The following GRIK3 variants were observed in gnomAD, a reference collection of about 807,000 sequenced individuals.
The protein encoded by GRIK3 is glutamate ionotropic receptor kainate type subunit 3, also known as glutamate receptor ionotropic, kainate 3.
GRIK3 carries 29 observed loss-of-function variants against 102.5 expected under a neutral mutation model. The observed-to-expected ratio is 0.28, with a 90% confidence interval of 0.21 to 0.39. The LOEUF (loss-of-function observed/expected upper bound fraction) is 0.39, where lower values mean the gene tolerates loss of function less well. GRIK3 is among the 10% of genes least tolerant of loss of function. The pLI is 1.00. For missense variants in GRIK3, 908 were observed against 1,252.4 expected (o/e 0.73, Z 4.15); for synonymous variants, 511 against 504.9 (o/e 1.01, Z -0.16).
At chr1:36,932,666 A>C (rs1035325332) in intron 1 of GRIK3, among the ~76,000 whole-genome samples, 2 of 152,200 alleles carry the variant, frequency 1.3e-5, no homozygotes, top group African/African-American at 4.8e-5. Context: ...ATTACTTTCC[A>C]AACTGCCACT....
chr1:36,976,366 A>AT (rs3834055), intron 1 of GRIK3, among the ~76,000 whole-genome samples: 23,502 of 151,768 alleles, frequency 0.15, 2,527 homozygotes, highest in African/African-American at 0.31. Context: ...ATGAATGTGC[A>AT]TTTTTTTTCG....
chr1:36,843,309 T>A (rs1002299294), intron 9 of GRIK3, among the ~76,000 whole-genome samples: 1 of 152,202 alleles, frequency 6.6e-6, no homozygotes, highest in African/African-American at 2.4e-5. Flanking sequence ...CCATGATGGA[T>A]GCGCTGAACT....
chr1:36,976,882 CT>C (rs1488021325), intron 1 of GRIK3, among the ~76,000 whole-genome samples: 29 of 152,294 alleles, frequency 1.9e-4, no homozygotes, highest in Admixed American at 1.8e-3. Context: ...ACACATCCCT[CT>C]GCCAAAAAGG....
intron 13 of GRIK3, among the ~76,000 whole-genome samples, chr1:36,812,743 C>G (rs1398801496): frequency 6.6e-6 from 1 of 152,078 alleles, no homozygotes; most frequent in Non-Finnish European, 1.5e-5. Flanking sequence ...CAGGTTCCCT[C>G]CCTTGTGAGT....
intron 13 of GRIK3, among the ~76,000 whole-genome samples, chr1:36,812,065 G>C (rs969757424): frequency 6.6e-6 from 1 of 152,094 alleles, no homozygotes; most frequent in Admixed American, 6.5e-5. Flanking sequence ...CTTGAAGGCA[G>C]GGCTAAGACT....
chr1:37,033,461 C>G (rs971977328), intron 1 of GRIK3, among the ~76,000 whole-genome samples: 2 of 151,988 alleles, frequency 1.3e-5, no homozygotes, highest in Non-Finnish European at 2.9e-5. Context: ...CCGGTACCAC[C>G]GAGGCCAAGG....
In GRIK3 at chr1:36,912,632, G is replaced by A. The variant is rs186595040; in HGVS notation, c.116-21536C>T. On this transcript the variant is annotated intron_variant, in intron 1 of 15. Transcript: ENST00000373091. ...AAGAGCTTTCCTGAGCTCCCTATGC[G>A]TCCTCCTCCGTATCCTCACACATGG... Among the ~76,000 whole-genome samples the A allele has an allele frequency of 3.2e-3, 484 of 152,134 alleles. 5 individuals carry two copies. Among genetic ancestry groups the A allele is most frequent in the South Asian group, 5.6e-3 (27 of 4,820 alleles).
chr1:36,808,548 T>C (rs747400986), intron 13 of GRIK3, among the ~76,000 whole-genome samples: 5 of 152,196 alleles, frequency 3.3e-5, no homozygotes, highest in Non-Finnish European at 5.9e-5. Flanking sequence ...TCTGGCCAGC[T>C]ATCAGTGAAA....
chr1:36,872,284 G>T lies in GRIK3; in HGVS notation c.636C>A (p.Asp212Glu). 1.2e-6 allele frequency: 2 copies of T among 1,613,212 alleles called. No individual in the cohort carries two copies. Among genetic ancestry groups the T allele is most frequent in the Non-Finnish European group, 1.7e-6 (2 of 1,179,570 alleles). ...LKIRQLPIDS[D>E]DSRPLLKEMK... Reference sequence around the variant, plus strand: ...TCTCCTTGAGCAAGGGGCGCGAGTCGTCAGAGTCGATGGGGAGCTGACGGA... The same window carrying T: ...TCTCCTTGAGCAAGGGGCGCGAGTCTTCAGAGTCGATGGGGAGCTGACGGA... Residue 212 changes from aspartate to glutamate, a missense_variant, in exon 4 of 16, where the codon GAC becomes GAA. By Grantham distance (45) the Asp-to-Glu change is conservative. Transcript: ENST00000373091. The surrounding 1 kb of genome is among the most constrained non-coding windows in gnomAD (Gnocchi z 5.9).
At chr1:36,835,732 C>T (rs540181697) in intron 10 of GRIK3, among the ~76,000 whole-genome samples, 5 of 152,210 alleles carry the variant, frequency 3.3e-5, no homozygotes, top group Admixed American at 6.5e-5. Flanking sequence ...CTTCTGACCT[C>T]GGTTTCCCCC....
At position 36,806,279 on chromosome 1, in the gene GRIK3, G is replaced by C; in HGVS notation, c.2139C>G (p.Ser713Arg). 1 of 1,614,158 alleles carries C rather than the reference G, an allele frequency of 6.2e-7. No homozygotes were observed. Among genetic ancestry groups the C allele is most frequent in the Non-Finnish European group, 8.5e-7 (1 of 1,179,990 alleles). Reference protein sequence around the residue: ...TFEKMWAFMSSKPSALVKNNE... With the variant: ...TFEKMWAFMSRKPSALVKNNE... ...TGTTCTTCACCAGCGCCGATGGCTT[G>C]CTGCTCATGAAGGCCCACATCTTCT... The change falls in exon 14 of 16, where the codon AGC becomes AGG. Residue 713 changes from serine (S) to arginine (R), a missense_variant. By Grantham distance (110) the Ser-to-Arg change is moderately radical. Transcript: ENST00000373091. This position sits in a 1 kb window ranked among gnomAD's most constrained non-coding sequence, Gnocchi z 4.0.
intron 1 of GRIK3, among the ~76,000 whole-genome samples, chr1:36,961,498 CT>C (rs2124348994): frequency 6.6e-6 from 1 of 152,340 alleles, no homozygotes; most frequent in Non-Finnish European, 1.5e-5. Context: ...AGGGGTGGCT[CT>C]CAGGAGGCCA....
rs141168396 is a variant in GRIK3 at position 36,837,512 on chromosome 1, G to A, written c.1530+4224C>T. On this transcript the variant is annotated intron_variant, in intron 10 of 15. Coordinates refer to ENST00000373091, the MANE Select transcript of GRIK3 (RefSeq NM_000831.4). The stretch of plus-strand genomic sequence containing the variant: ...TCCCTCCTTTCCTAGAGCAGCACTC[G>A]CCCTGTTTGGGTCCCAGCGATGGCT... Among the ~76,000 whole-genome samples, 196 of 152,086 alleles carry A rather than the reference G, an allele frequency of 1.3e-3. No homozygotes were observed. The East Asian group carries it at 0.014, about 11-fold the overall frequency.
intron 1 of GRIK3, among the ~76,000 whole-genome samples, chr1:36,943,140 C>G (rs1392497053): frequency 6.8e-6 from 1 of 147,736 alleles, no homozygotes; most frequent in Non-Finnish European, 1.5e-5. Context: ...TGCCCATGGT[C>G]ACATTCATCT....
chr1:37,006,877 C>T (rs1299671910), intron 1 of GRIK3, among the ~76,000 whole-genome samples: 2 of 152,118 alleles, frequency 1.3e-5, no homozygotes, highest in African/African-American at 2.4e-5. Flanking sequence ...GCCTGGGAGG[C>T]GTTAAGGAAC....
At chr1:36,868,430 G>C (rs1640809126) in intron 5 of GRIK3, among the ~76,000 whole-genome samples, 1 of 152,218 alleles carries the variant, frequency 6.6e-6, no homozygotes, top group Non-Finnish European at 1.5e-5. Context: ...CCCTGGATCA[G>C]GAGAATCGCA....
At chr1:36,968,373 G>T (rs1642102885) in intron 1 of GRIK3, among the ~76,000 whole-genome samples, 1 of 152,058 alleles carries the variant, frequency 6.6e-6, no homozygotes, top group Non-Finnish European at 1.5e-5. Flanking sequence ...CCGCAGGGCA[G>T]GATAACTGGT....
chr1:36,938,085 G>A (rs1641679142), intron 1 of GRIK3, among the ~76,000 whole-genome samples: 1 of 152,244 alleles, frequency 6.6e-6, no homozygotes, highest in South Asian at 2.1e-4. Flanking sequence ...CTCATGGACT[G>A]GTAAGAGAGA....
intron 1 of GRIK3, among the ~76,000 whole-genome samples, chr1:36,902,552 C>G (rs923079293): frequency 6.6e-6 from 1 of 152,152 alleles, no homozygotes; most frequent in African/African-American, 2.4e-5. Flanking sequence ...TAGACACAGA[C>G]CTTACACCCT....
Sources: allele counts gnomAD v4.1 joint callset (sites outside exome capture counted in the v4.1 genomes callset), GRCh38; gene constraint gnomAD v4.1.1; non-coding constraint Gnocchi (gnomAD v3.1); transcripts MANE v1.5; gene names NCBI Gene and HGNC (gene_info 2026-07-23, HGNC 2026-07-21).